Variants in GLOD4 observed in about 807,000 individuals in gnomAD.
GLOD4 encodes the protein glyoxalase domain-containing protein 4.
Under a neutral mutation model 39.1 loss-of-function variants are expected in GLOD4, and 44 were observed. The observed-to-expected ratio is 1.13, with a 90% confidence interval of 0.88 to 1.45. The LOEUF is 1.45. GLOD4 is among the 40% of genes most tolerant of loss of function. The pLI, the probability that GLOD4 is intolerant of heterozygous loss-of-function variation, is 0.00. For synonymous variants in GLOD4, 145 were observed against 135.0 expected, an observed-to-expected ratio of 1.07 and a Z score of -0.52; for missense variants, 405 against 366.4, an observed-to-expected ratio of 1.11 and a Z score of -0.86.
chr17:784,762 C>T (rs192198665), upstream of GLOD4, among the ~76,000 whole-genome samples: 10 of 152,278 alleles, frequency 6.6e-5, no homozygotes, highest in East Asian at 1.4e-3. Flanking sequence ...GTAGGGCCTC[C>T]GTATAGTGGG....
rs1383803028 is a variant in GLOD4, at chr17:761,122, G to A, written c.832-884C>T. On this transcript the variant is annotated intron_variant, in intron 8 of 8. Coordinates refer to ENST00000301329, the MANE Select transcript of GLOD4 (RefSeq NM_016080.4). Reference sequence around the variant, plus strand: ...GCTTTGAGGAGTGTGCAGAACAGCTGAGAACTCAGATATGGAAACAAGTAT... The same window carrying A: ...GCTTTGAGGAGTGTGCAGAACAGCTAAGAACTCAGATATGGAAACAAGTAT... Among the ~76,000 whole-genome samples the A allele has an allele frequency of 9.8e-5, 15 of 152,308 alleles. No individual in the cohort carries two copies. In the East Asian group the frequency reaches 2.7e-3, roughly 27 times the overall value.
rs1293083470 is a variant in GLOD4 at position 770,085 on chromosome 17, G to C, written c.703C>G (p.Pro235Ala). Residue 235 changes from proline to alanine, a missense_variant, in exon 7 of 9, where the codon CCA becomes GCA. Physicochemically the swap from Pro to Ala is conservative, Grantham distance 27. Coordinates refer to ENST00000301329, the MANE Select transcript of GLOD4 (RefSeq NM_016080.4). ...ILTPLVSLDT[P>A]GKATVQVVIL... ...ACCACCTGTACTGTTGCTTTCCCTG[G>C]GGTGTCCAGGCTCACCAGGGGAGTC... 6.2e-7 allele frequency: 1 copy of C among 1,612,668 alleles called. No individual in the cohort carries two copies. Among genetic ancestry groups the C allele is most frequent in the Non-Finnish European group, 8.5e-7 (1 of 1,178,798 alleles).
At chr17:767,863 T>C (rs1449386822) in intron 8 of GLOD4, among the ~76,000 whole-genome samples, 2 of 141,990 alleles carry the variant, frequency 1.4e-5, no homozygotes, top group Admixed American at 7.1e-5. Context: ...CTCAGATTTT[T>C]AGAAGAAGAA....
chr17:784,692 T>C (rs1391883417), upstream of GLOD4, among the ~76,000 whole-genome samples: 1 of 152,184 alleles, frequency 6.6e-6, no homozygotes, highest in Non-Finnish European at 1.5e-5. Flanking sequence ...GAGAAATGGA[T>C]AGGAACTGGC....
chr17:760,048 C>A lies in GLOD4; in HGVS notation c.*125G>T. ...TCAAAGATTGAAATACACAAATCTGCACTACCCAAGCCTCCTTGCCTGTAC... is the reference window on the plus strand; with the variant it reads ...TCAAAGATTGAAATACACAAATCTGAACTACCCAAGCCTCCTTGCCTGTAC... On this transcript the variant is annotated 3_prime_UTR_variant, in exon 9 of 9. Transcript: ENST00000301329. 1 of 674,686 alleles carries A rather than the reference C, an allele frequency of 1.5e-6. No individual in the cohort carries two copies. Among genetic ancestry groups the A allele is most frequent in the Non-Finnish European group, 2.7e-6 (1 of 370,130 alleles). 41.8% of individuals were successfully genotyped at this position (674,686 alleles called of 1,614,324 possible).
At chr17:770,695 G>T (rs79441857) in intron 5 of GLOD4, 188 bp from the exon 6 acceptor site, 2,563 of 379,236 alleles carry the variant, frequency 6.8e-3, no homozygotes, top group East Asian at 0.016. Flanking sequence ...ACGCATCTAT[G>T]TTTTTTTTTT....
intron 8 of GLOD4, among the ~76,000 whole-genome samples, chr17:768,646 A>G (rs1317628484): frequency 1.4e-4 from 18 of 132,698 alleles, no homozygotes; most frequent in Admixed American, 3.1e-4. Context: ...TTTTTAGAAG[A>G]AGAAATCTGG....
chr17:783,955 C>T (rs1012553701), upstream of GLOD4, among the ~76,000 whole-genome samples: 1 of 152,132 alleles, frequency 6.6e-6, no homozygotes, highest in Non-Finnish European at 1.5e-5. Flanking sequence ...TGCAAAACCT[C>T]TGCCAATGTG....
At position 776,488 on chromosome 17, in the gene GLOD4, C is replaced by T. The variant is rs533521602; in HGVS notation, c.261+380G>A. On this transcript the variant is annotated intron_variant, in intron 3 of 8. Coordinates refer to ENST00000301329, the MANE Select transcript of GLOD4 (RefSeq NM_016080.4). Reference sequence around the variant, plus strand: ...TAGTCCACCCCCAGACTGCAGCCAGCCTTGTTTTCCCTTTGCTCAAAGTCC... The same window carrying T: ...TAGTCCACCCCCAGACTGCAGCCAGTCTTGTTTTCCCTTTGCTCAAAGTCC... Among the ~76,000 whole-genome samples, 5 of 152,212 alleles carry T rather than the reference C, an allele frequency of 3.3e-5. No individual in the cohort carries two copies. In the East Asian group the frequency reaches 5.8e-4, roughly 18 times the overall value.
At chr17:767,996 TGAGA>T (rs202050943) in intron 8 of GLOD4, among the ~76,000 whole-genome samples, 5 of 112,706 alleles carry the variant, frequency 4.4e-5, no homozygotes, top group East Asian at 2.9e-4. Flanking sequence ...GGAGAGGACG[TGAGA>T]GAGAGAAACA....
chr17:780,399 C>A (rs1909682967), intron 1 of GLOD4, among the ~76,000 whole-genome samples: 1 of 152,132 alleles, frequency 6.6e-6, no homozygotes, highest in African/African-American at 2.4e-5. Flanking sequence ...ATCTCCTTAA[C>A]TTCAACTAAG....
Position 771,440 on chromosome 17 carries a change from A to C in GLOD4, c.428T>G (p.Leu143Arg). Reference sequence around the variant, plus strand: ...GGACTTTTGAAGATCAGACACTGCTAGAGTTACTTTTAATACAGGATCTGT... The same window carrying C: ...GGACTTTTGAAGATCAGACACTGCTCGAGTTACTTTTAATACAGGATCTGT... Reference protein sequence around the residue: ...PQSDPVLKVTLAVSDLQKSLN... With the variant: ...PQSDPVLKVTRAVSDLQKSLN... Residue 143 changes from leucine (L) to arginine (R), a missense_variant, in exon 5 of 9, where the codon CTA becomes CGA. Coordinates refer to ENST00000301329, the MANE Select transcript of GLOD4 (RefSeq NM_016080.4). 1 of 1,569,632 alleles carries C rather than the reference A, an allele frequency of 6.4e-7. No homozygotes were observed. The highest frequency in any genetic ancestry group is 8.7e-7 in the Non-Finnish European group (1 of 1,146,690).
chr17:781,901 G>A, intron 1 of GLOD4: 2 of 464,700 alleles, frequency 4.3e-6, no homozygotes, highest in Non-Finnish European at 3.8e-6. Flanking sequence ...CAAGGGCGGG[G>A]CTCAATAAAC....
Position 782,241 on chromosome 17 carries a change from T to C in GLOD4, c.15A>G (p.Arg5=), listed in dbSNP as rs1361175093. Residue 5 remains arginine (R), a synonymous_variant, in exon 1 of 9, where the codon AGA becomes AGG. Transcript: ENST00000301329. ...CCACTTTGAATACGAAGTGCAGAGCTCTGCGAGCAGCCATGATTCCCGCCG... is the reference window on the plus strand; with the variant it reads ...CCACTTTGAATACGAAGTGCAGAGCCCTGCGAGCAGCCATGATTCCCGCCG... MAAR[R]ALHFVFKVGN... is the part of the protein sequence containing the mutation. 1.2e-6 allele frequency: 2 copies of C among 1,613,422 alleles called. No individual in the cohort carries two copies. The highest frequency in any genetic ancestry group is 1.7e-6 in the Non-Finnish European group (2 of 1,179,756).
upstream of GLOD4, among the ~76,000 whole-genome samples, chr17:785,862 T>G (rs1910507905): frequency 6.6e-6 from 1 of 152,222 alleles, no homozygotes. Context: ...TATAAACTAT[T>G]TTTTAAAAGC....
In GLOD4 at chr17:759,748, G is replaced by A. The variant is rs1905158641; in HGVS notation, c.*425C>T. The A allele has an allele frequency of 6.4e-6, 1 of 156,768 alleles. No homozygotes were observed. Among genetic ancestry groups the A allele is most frequent in the Non-Finnish European group, 1.4e-5 (1 of 71,114 alleles). The allele number at this position is 156,768 out of a possible 1,614,324, so 9.7% of individuals were successfully genotyped here. A position where few individuals can be genotyped will look rare whatever the true frequency, so the allele number is the denominator to read the frequency against. On this transcript the variant is annotated 3_prime_UTR_variant, in exon 9 of 9. Coordinates refer to ENST00000301329, the MANE Select transcript of GLOD4 (RefSeq NM_016080.4). ...GAATAAGACAATAGAAGAGCGTATCGTCAGGCGCTGGGAATGGCACCACGA... is the reference window on the plus strand; with the variant it reads ...GAATAAGACAATAGAAGAGCGTATCATCAGGCGCTGGGAATGGCACCACGA...
At chr17:761,203 A>G (rs941096173) in intron 8 of GLOD4, among the ~76,000 whole-genome samples, 9 of 152,196 alleles carry the variant, frequency 5.9e-5, no homozygotes, top group Non-Finnish European at 1.0e-4. Context: ...TTGCTATAAT[A>G]TCTACCTCAG....
At position 767,833 on chromosome 17, in the gene GLOD4, T is replaced by TGA. The variant is rs1347447849; in HGVS notation, c.831+2034_831+2035dup. On this transcript the variant is annotated intron_variant, in intron 8 of 8. Coordinates refer to ENST00000301329, the MANE Select transcript of GLOD4 (RefSeq NM_016080.4). Reference sequence around the variant, plus strand: ...TTTTAGAAGAAATCTGGAGAGTATGTGAGAGAGAAACAGCGCGCACTCAGA... The same window carrying TGA: ...TTTTAGAAGAAATCTGGAGAGTATGTGAGAGAGAGAAACAGCGCGCACTCAGA... Among the ~76,000 whole-genome samples, 16 of 67,542 alleles carry TGA rather than the reference T, an allele frequency of 2.4e-4. No individual in the cohort carries two copies. In the South Asian group the frequency reaches 3.3e-3, roughly 14 times the overall value. 44.3% of individuals were successfully genotyped at this position (67,542 alleles called of 152,430 possible).
At chr17:765,645 C>T (rs779835385) in intron 8 of GLOD4, among the ~76,000 whole-genome samples, 47 of 148,306 alleles carry the variant, frequency 3.2e-4, no homozygotes, top group Admixed American at 1.8e-3. Flanking sequence ...AGGGTTTCAC[C>T]GTGTTAGCCA....
Sources: gnomAD v4.1 joint callset for allele counts (sites outside exome capture counted in the v4.1 genomes callset) on GRCh38, gnomAD v4.1.1 for gene constraint, MANE v1.5 for transcripts, NCBI Gene and HGNC (gene_info 2026-07-23, HGNC 2026-07-21) for gene names.